The following PSMA6 variants were observed in gnomAD, a reference collection of about 807,000 sequenced individuals.
PSMA6 encodes the protein proteasome 20S subunit alpha 6, also known as proteasome subunit alpha type-6.
For missense variants in PSMA6, 170 were observed against 294.8 expected (o/e 0.58, Z 3.10); for synonymous variants, 88 against 97.7 (o/e 0.90, Z 0.59).
rs556684672 is a variant in PSMA6, at chr14:35,298,613, A to G, written c.76+6061A>G. ...AGTTTCCAAAATTTTAGCCCAAACCAAAGTCTTTGATCATGTAGTGTTTAA... is the reference window on the plus strand; with the variant it reads ...AGTTTCCAAAATTTTAGCCCAAACCGAAGTCTTTGATCATGTAGTGTTTAA... On this transcript the variant is annotated intron_variant, in intron 1 of 6. Transcript: ENST00000261479. 1.2e-4 allele frequency among the ~76,000 whole-genome samples: 18 copies of G among 152,274 alleles called. No individual in the cohort carries two copies. In the South Asian group the frequency reaches 1.4e-3, roughly 12 times the overall value.
intron 4 of PSMA6, 82 bp downstream of exon 4, chr14:35,310,977 A>C: frequency 7.3e-7 from 1 of 1,372,580 alleles, no homozygotes. Flanking sequence ...TTTAAATAAC[A>C]CTTGAGTTCT....
upstream of PSMA6, among the ~76,000 whole-genome samples, chr14:35,288,186 G>T (rs1210841374): frequency 6.6e-6 from 1 of 152,202 alleles, no homozygotes; most frequent in Admixed American, 6.5e-5. Context: ...TGGTATTGAG[G>T]ATACACTGGT....
chr14:35,293,727 A>G lies in PSMA6; in HGVS notation c.76+1175A>G, dbSNP rs77461062. ...AAAAACATGATTAAAGATAGAACAA[A>G]GAGATAACTGTATCCTCAAAGAATT... On this transcript the variant is annotated intron_variant, in intron 1 of 6. Coordinates refer to ENST00000261479, the MANE Select transcript of PSMA6 (RefSeq NM_002791.3). 7.0e-3 allele frequency among the ~76,000 whole-genome samples: 1,072 copies of G among 152,358 alleles called. 16 individuals carry two copies. Among genetic ancestry groups the G allele is most frequent in the African/African-American group, 0.024 (979 of 41,582 alleles).
At chr14:35,296,891 C>T (rs1412711438) in intron 1 of PSMA6, among the ~76,000 whole-genome samples, 2 of 152,030 alleles carry the variant, frequency 1.3e-5, no homozygotes, top group East Asian at 3.9e-4. Flanking sequence ...TATAACTACA[C>T]AGAAAAAGTG....
At chr14:35,286,270 C>T (rs1268595657) in intron 1 of PSMA6, among the ~76,000 whole-genome samples, 2 of 152,222 alleles carry the variant, frequency 1.3e-5, no homozygotes, top group African/African-American at 2.4e-5. Context: ...GTTCGCTTCT[C>T]CCACCCTTCC....
intron 1 of PSMA6, 112 bp downstream of exon 1, chr14:35,292,664 TG>T: frequency 6.6e-7 from 1 of 1,518,874 alleles, no homozygotes; most frequent in South Asian, 1.3e-5. Context: ...GGGCTGGAGC[TG>T]GGAAGGGAGA....
At chr14:35,315,362 A>G (rs2052025035) in intron 6 of PSMA6, 1 of 151,876 alleles carries the variant, frequency 6.6e-6, no homozygotes, top group African/African-American at 2.4e-5. Context: ...TAAGTCATAT[A>G]AACATGACAG....
chr14:35,289,133 G>A (rs2051450715), upstream of PSMA6, among the ~76,000 whole-genome samples: 1 of 151,954 alleles, frequency 6.6e-6, no homozygotes, highest in African/African-American at 2.4e-5. Context: ...TTTAAATTCA[G>A]GTTTAAATAA....
intron 4 of PSMA6, among the ~76,000 whole-genome samples, chr14:35,311,619 A>G (rs1473074115): frequency 6.6e-6 from 1 of 152,214 alleles, no homozygotes; most frequent in African/African-American, 2.4e-5. Flanking sequence ...TATATTTTGT[A>G]TATATCAAAT....
intron 1 of PSMA6, among the ~76,000 whole-genome samples, chr14:35,279,417 G>T (rs1008451766): frequency 6.6e-6 from 1 of 152,148 alleles, no homozygotes; most frequent in African/African-American, 2.4e-5. Context: ...AGCATTGCTG[G>T]ACACCATAAA....
intron 2 of PSMA6, 97 bp from the exon 3 acceptor site, chr14:35,308,817 C>T: frequency 1.2e-6 from 1 of 831,864 alleles, no homozygotes; most frequent in Non-Finnish European, 2.0e-6. Context: ...TTGTTTTCTC[C>T]AAGAAGCAGG....
At chr14:35,298,916 TACAG>T (rs1343584679) in intron 1 of PSMA6, among the ~76,000 whole-genome samples, 1 of 152,072 alleles carries the variant, frequency 6.6e-6, no homozygotes, top group Non-Finnish European at 1.5e-5. Flanking sequence ...GCATTTTTAG[TACAG>T]ACAGAGTTTC....
intron 4 of PSMA6, 68 bp from the exon 5 acceptor site, chr14:35,312,813 C>T: frequency 7.2e-7 from 1 of 1,379,352 alleles, no homozygotes; most frequent in South Asian, 1.4e-5. Flanking sequence ...CTATGTGACA[C>T]CACCAAGAAA....
chr14:35,314,955 G>A (rs919994407), intron 6 of PSMA6: 1 of 148,988 alleles, frequency 6.7e-6, no homozygotes, highest in Non-Finnish European at 1.5e-5. Context: ...GGATGTGTGT[G>A]TGTGTGTGTG....
chr14:35,300,631 A>G (rs150680994), intron 1 of PSMA6, among the ~76,000 whole-genome samples: 1 of 152,302 alleles, frequency 6.6e-6, no homozygotes, highest in East Asian at 1.9e-4. Flanking sequence ...TTATTATAGA[A>G]TACTTTAGAC....
chr14:35,293,818 G>A (rs2051532003), intron 1 of PSMA6, among the ~76,000 whole-genome samples: 1 of 152,090 alleles, frequency 6.6e-6, no homozygotes, highest in South Asian at 2.1e-4. Context: ...TGCTTTCAGC[G>A]TTCCATTCGT....
At chr14:35,311,869 G>A (rs2138753290) in intron 4 of PSMA6, among the ~76,000 whole-genome samples, 1 of 152,176 alleles carries the variant, frequency 6.6e-6, no homozygotes, top group East Asian at 1.9e-4. Flanking sequence ...GTGTATTTCA[G>A]TTTGTGCCAG....
chr14:35,288,971 T>C (rs1566549378), upstream of PSMA6, among the ~76,000 whole-genome samples: 1 of 152,222 alleles, frequency 6.6e-6, no homozygotes, highest in Non-Finnish European at 1.5e-5. Flanking sequence ...TTGCAATTTT[T>C]TTTTTAGCCC....
At chr14:35,303,541 A>G (rs1035972140) in intron 1 of PSMA6, among the ~76,000 whole-genome samples, 3 of 152,042 alleles carry the variant, frequency 2.0e-5, no homozygotes, top group Admixed American at 6.6e-5. Context: ...CTTTCTCCCA[A>G]CTGTTGACTT....
Sources: allele counts gnomAD v4.1 joint callset (sites outside exome capture counted in the v4.1 genomes callset), GRCh38; gene constraint gnomAD v4.1.1; transcripts MANE v1.5; gene names NCBI Gene and HGNC (gene_info 2026-07-23, HGNC 2026-07-21).